SDK1: variants seen among roughly 807,000 people sequenced by gnomAD.
SDK1 encodes sidekick cell adhesion molecule 1.
A neutral mutation model predicts 245.5 loss-of-function variants in SDK1; 157 were observed. The ratio of observed to expected loss-of-function variants is 0.64; its 90% CI spans 0.56 to 0.73. The LOEUF (loss-of-function observed/expected upper bound fraction) is 0.73, where lower values mean the gene tolerates loss of function less well. Ranked by LOEUF, SDK1 falls within the 30% of genes least tolerant of loss-of-function variation. SDK1 has a pLI of 0.00. For synonymous variants in SDK1, 1,647 were observed against 1,278.5 expected (o/e 1.29, Z -6.15); for missense variants, 3,583 against 3,002.3 (o/e 1.19, Z -4.52).
At chr7:3,607,492 A>G (rs564086662) in intron 1 of SDK1, among the ~76,000 whole-genome samples, 3 of 152,336 alleles carry the variant, frequency 2.0e-5, no homozygotes, top group African/African-American at 7.2e-5. Flanking sequence ...TCCTTTTTCA[A>G]AATTCTCATT....
intron 4 of SDK1, among the ~76,000 whole-genome samples, chr7:3,730,204 G>A (rs899018188): frequency 1.3e-5 from 2 of 152,238 alleles, no homozygotes; most frequent in African/African-American, 4.8e-5. Flanking sequence ...GAAACAAACA[G>A]TCTAGGAAAT....
At chr7:4,153,817 C>T (rs947190483) in intron 30 of SDK1, among the ~76,000 whole-genome samples, 1 of 151,678 alleles carries the variant, frequency 6.6e-6, no homozygotes, top group African/African-American at 2.4e-5. Context: ...GCTAAGACTA[C>T]AGGCATATGC....
chr7:3,483,495 T>C (rs912617168), intron 1 of SDK1, among the ~76,000 whole-genome samples: 3 of 152,214 alleles, frequency 2.0e-5, no homozygotes, highest in Admixed American at 1.3e-4. Flanking sequence ...AATAATCATA[T>C]TGTTTGTAAA....
chr7:3,462,610 CAA>C (rs1325486750), intron 1 of SDK1, among the ~76,000 whole-genome samples: 1 of 152,092 alleles, frequency 6.6e-6, no homozygotes, highest in Admixed American at 6.6e-5. Context: ...CGAACTAGAC[CAA>C]ACTTACCTAT....
In SDK1 at chr7:3,619,184, G is replaced by C. The variant is rs758149871; in HGVS notation, c.403G>C (p.Glu135Gln). The part of the protein sequence containing the change: ...TCLAEGSWPL[E>Q]FKWMRDDSEL... ...CCTTGCCGAAGGGAGCTGGCCTTTG[G>C]AGTTCAAGTGGATGCGCGATGACAG... Residue 135 changes from glutamate to glutamine, a missense_variant, in exon 2 of 45, where the codon GAG becomes CAG. Coordinates refer to ENST00000404826, the MANE Select transcript of SDK1 (RefSeq NM_152744.4). The C allele has an allele frequency of 3.1e-6, 5 of 1,613,746 alleles. No homozygotes were observed. Among genetic ancestry groups the C allele is most frequent in the East Asian group, 2.2e-5 (1 of 44,870 alleles).
At chr7:3,334,622 T>A (rs1056340147) in intron 1 of SDK1, among the ~76,000 whole-genome samples, 6 of 152,098 alleles carry the variant, frequency 3.9e-5, no homozygotes, top group African/African-American at 1.4e-4. Flanking sequence ...GCACCATTCT[T>A]CACTTACAAT....
At chr7:4,129,743 A>C in intron 26 of SDK1, 165 bp from the exon 27 acceptor site, 10 of 1,433,116 alleles carry the variant, frequency 7.0e-6, no homozygotes, top group Non-Finnish European at 9.1e-6. Context: ...TCCTCCCCAA[A>C]TGCCAGCATG....
At chr7:3,640,633 A>C (rs903458201) in intron 3 of SDK1, among the ~76,000 whole-genome samples, 2 of 152,156 alleles carry the variant, frequency 1.3e-5, no homozygotes, top group African/African-American at 4.8e-5. Flanking sequence ...TATAAAACTG[A>C]ATTTTGCTTA....
At chr7:4,195,876 T>G (rs1783548035) in intron 35 of SDK1, among the ~76,000 whole-genome samples, 1 of 152,110 alleles carries the variant, frequency 6.6e-6, no homozygotes, top group African/African-American at 2.4e-5. Context: ...ACATGTGCCC[T>G]TGGGAGGGTG....
intron 4 of SDK1, among the ~76,000 whole-genome samples, chr7:3,703,526 C>G (rs1784800707): frequency 2.0e-5 from 3 of 152,102 alleles, no homozygotes; most frequent in African/African-American, 7.2e-5. Context: ...AGTTTTGTGG[C>G]TGGACTGTAG....
intron 21 of SDK1, among the ~76,000 whole-genome samples, chr7:4,079,047 A>C (rs772920004): frequency 9.2e-5 from 14 of 152,162 alleles, no homozygotes; most frequent in Non-Finnish European, 2.1e-4. Context: ...CATCCCTCCG[A>C]GGCCGCGGTA....
At chr7:3,556,520 A>T (rs1394757982) in intron 1 of SDK1, among the ~76,000 whole-genome samples, 1 of 152,154 alleles carries the variant, frequency 6.6e-6, no homozygotes, top group East Asian at 1.9e-4. Flanking sequence ...ATAATTTATT[A>T]TACATTTAAT....
At chr7:3,599,389 T>A (rs1781180988) in intron 1 of SDK1, among the ~76,000 whole-genome samples, 1 of 152,200 alleles carries the variant, frequency 6.6e-6, no homozygotes, top group African/African-American at 2.4e-5. Flanking sequence ...TCAGATAATG[T>A]GGTTTGCCTG....
At chr7:3,409,209 C>A (rs780933948) in intron 1 of SDK1, among the ~76,000 whole-genome samples, 2 of 152,106 alleles carry the variant, frequency 1.3e-5, no homozygotes, top group African/African-American at 2.4e-5. Context: ...TTTCTACACT[C>A]CTTTGCCTCA....
intron 1 of SDK1, among the ~76,000 whole-genome samples, chr7:3,449,366 G>A (rs925128010): frequency 7.2e-5 from 11 of 152,192 alleles, no homozygotes; most frequent in African/African-American, 2.4e-4. Flanking sequence ...ACAAAATCGT[G>A]CTTTCTACAG....
chr7:3,784,702 A>G (rs575287447), intron 4 of SDK1, among the ~76,000 whole-genome samples: 2 of 152,336 alleles, frequency 1.3e-5, no homozygotes, highest in South Asian at 4.1e-4. Flanking sequence ...TTTCAAAAAG[A>G]CAATATAACA....
chr7:3,601,438 T>C (rs1781252036), intron 1 of SDK1, among the ~76,000 whole-genome samples: 2 of 152,224 alleles, frequency 1.3e-5, no homozygotes, highest in African/African-American at 4.8e-5. Flanking sequence ...TCATTTTGGC[T>C]GAATTTTAGT....
intron 1 of SDK1, among the ~76,000 whole-genome samples, chr7:3,409,080 T>A (rs1779128352): frequency 6.6e-6 from 1 of 152,142 alleles, no homozygotes; most frequent in South Asian, 2.1e-4. Context: ...CTTTTCCCCC[T>A]CACCCTTGAG....
intron 1 of SDK1, among the ~76,000 whole-genome samples, chr7:3,439,366 C>G (rs185495713): frequency 6.6e-6 from 1 of 152,154 alleles, no homozygotes; most frequent in Non-Finnish European, 1.5e-5. Flanking sequence ...ATGCAAGCTC[C>G]GGATGCAGCT....
Sources: gnomAD v4.1 joint callset for allele counts (sites outside exome capture counted in the v4.1 genomes callset) on GRCh38, gnomAD v4.1.1 for gene constraint, MANE v1.5 for transcripts, NCBI Gene and HGNC (gene_info 2026-07-23, HGNC 2026-07-21) for gene names.